ANO4: variants seen among roughly 807,000 people sequenced by gnomAD.
ANO4 encodes the protein anoctamin 4, also known as anoctamin-4.
ANO4 carries 69 observed loss-of-function variants against 141.9 expected under a neutral mutation model. The observed-to-expected ratio is 0.49, with a 90% confidence interval of 0.40 to 0.59. The LOEUF is 0.59. Among genes scored for constraint, ANO4 ranks in the 20% least tolerant of loss-of-function variants. The pLI, the probability that ANO4 is intolerant of heterozygous loss-of-function variation, is 0.00. For synonymous variants in ANO4, 350 were observed against 394.3 expected, an observed-to-expected ratio of 0.89 and a Z score of 1.33; for missense variants, 894 against 1,162.2, an observed-to-expected ratio of 0.77 and a Z score of 3.36.
At chr12:100,902,079 T>G (rs974960248) in intron 2 of ANO4, among the ~76,000 whole-genome samples, 3 of 152,176 alleles carry the variant, frequency 2.0e-5, no homozygotes, top group Non-Finnish European at 4.4e-5. Context: ...TGGTAGAATC[T>G]AAATGAAAAT....
chr12:100,772,627 G>T (rs941780767), intron 3 of ANO4, among the ~76,000 whole-genome samples: 1 of 152,170 alleles, frequency 6.6e-6, no homozygotes, highest in African/African-American at 2.4e-5. Context: ...TCCCTTTGGA[G>T]CCTGACGCAG....
chr12:100,884,828 G>T (rs958999341), intron 1 of ANO4, among the ~76,000 whole-genome samples: 2 of 152,208 alleles, frequency 1.3e-5, no homozygotes, highest in Non-Finnish European at 2.9e-5. Context: ...CCGAGTAGCT[G>T]GGATTACAGG....
At chr12:100,885,106 C>T (rs2039766023) in intron 1 of ANO4, among the ~76,000 whole-genome samples, 1 of 152,212 alleles carries the variant, frequency 6.6e-6, no homozygotes, top group Non-Finnish European at 1.5e-5. Flanking sequence ...CAAAGGTTCT[C>T]TGTTTTTGAG....
intron 22 of ANO4, among the ~76,000 whole-genome samples, chr12:101,106,502 CAA>C (rs1443979331): frequency 6.7e-6 from 1 of 150,086 alleles, no homozygotes; most frequent in Non-Finnish European, 1.5e-5. Flanking sequence ...AGTTTAGGCA[CAA>C]AAATTATTTA....
intron 5 of ANO4, among the ~76,000 whole-genome samples, chr12:100,970,378 G>A (rs4764775): frequency 0.25 from 37,345 of 151,930 alleles, 4,908 homozygotes; most frequent in Middle Eastern, 0.38. Context: ...TCCTTAGTAC[G>A]CCTTAGCCCT....
At chr12:100,867,698 T>C (rs1004630109) in intron 1 of ANO4, among the ~76,000 whole-genome samples, 1 of 152,080 alleles carries the variant, frequency 6.6e-6, no homozygotes, top group Non-Finnish European at 1.5e-5. Flanking sequence ...ACACATAAAA[T>C]TAACCAGCAC....
chr12:101,080,900 T>TATATAC lies in ANO4; in HGVS notation c.1395+1626_1395+1627insTATACA, dbSNP rs1194122665. Among the ~76,000 whole-genome samples, 356 of 131,020 alleles carry TATATAC rather than the reference T, an allele frequency of 2.7e-3. 9 individuals carry two copies. The highest frequency in any genetic ancestry group is 0.016 in the Middle Eastern group (4 of 256). The allele number at this position is 131,020 out of a possible 152,430, so 86.0% of individuals were successfully genotyped here. ...TATATATATTATATATATATATATATACATACACATATACATATATATAAA... is the reference window on the plus strand; with the variant it reads ...TATATATATTATATATATATATATATATATACACATACACATATACATATATATAAA... On this transcript the variant is annotated intron_variant, in intron 15 of 27. Coordinates refer to ENST00000392977, the MANE Select transcript of ANO4 (RefSeq NM_001286615.2).
chr12:100,826,683 G>A lies in ANO4; in HGVS notation c.-141+31656G>A, dbSNP rs1189561226. Among the ~76,000 whole-genome samples, 4 of 152,082 alleles carry A rather than the reference G, an allele frequency of 2.6e-5. No individual in the cohort carries two copies. In the South Asian group the frequency reaches 8.3e-4, roughly 32 times the overall value. ...TGTGAATTTATTAGTAACATTTCTAGTTATTGTAGTTTCTAAGTATGAGAT... is the reference window on the plus strand; with the variant it reads ...TGTGAATTTATTAGTAACATTTCTAATTATTGTAGTTTCTAAGTATGAGAT... On this transcript the variant is annotated intron_variant, in intron 1 of 27. Transcript: ENST00000392977.
intron 1 of ANO4, among the ~76,000 whole-genome samples, chr12:100,868,839 A>T (rs2038891659): frequency 6.6e-6 from 1 of 152,244 alleles, no homozygotes; most frequent in South Asian, 2.1e-4. Flanking sequence ...TTGTGAGCCA[A>T]GAGGCAAAAT....
chr12:100,970,568 C>T (rs1293380118), intron 5 of ANO4, among the ~76,000 whole-genome samples: 1 of 151,934 alleles, frequency 6.6e-6, no homozygotes, highest in African/African-American at 2.4e-5. Flanking sequence ...AGTATGTAGC[C>T]CCCTCCCATA....
intron 25 of ANO4, among the ~76,000 whole-genome samples, chr12:101,117,219 C>T (rs2050890162): frequency 6.6e-6 from 1 of 152,210 alleles, no homozygotes; most frequent in Non-Finnish European, 1.5e-5. Context: ...TTAAACAACT[C>T]AGAAGCCTGT....
chr12:100,907,612 G>T (rs1170785504), intron 2 of ANO4, among the ~76,000 whole-genome samples: 1 of 152,096 alleles, frequency 6.6e-6, no homozygotes. Context: ...TATGTTGTTT[G>T]TCAAAATCTG....
chr12:100,720,088 G>T (rs1469259858), intron 1 of ANO4, among the ~76,000 whole-genome samples: 1 of 152,032 alleles, frequency 6.6e-6, no homozygotes, highest in Non-Finnish European at 1.5e-5. Context: ...ATAACCATGC[G>T]CATGAGACTA....
At chr12:101,108,178 A>G (rs944886575) in intron 22 of ANO4, among the ~76,000 whole-genome samples, 16 of 152,162 alleles carry the variant, frequency 1.1e-4, no homozygotes, top group African/African-American at 3.4e-4. Flanking sequence ...ATGAAGTCAT[A>G]GGAGTAGATG....
At chr12:101,051,485 T>C (rs959895506) in intron 14 of ANO4, among the ~76,000 whole-genome samples, 5 of 152,206 alleles carry the variant, frequency 3.3e-5, no homozygotes, top group Admixed American at 3.3e-4. Context: ...ATGTGCTAGT[T>C]TGAGAAAAAG....
At chr12:100,942,195 G>A (rs933050077) in intron 4 of ANO4, among the ~76,000 whole-genome samples, 182 bp from the exon 5 acceptor site, 2 of 152,050 alleles carry the variant, frequency 1.3e-5, no homozygotes, top group African/African-American at 2.4e-5. Flanking sequence ...TGGCCAGGCT[G>A]GTCTCGAACT....
chr12:101,058,311 G>A (rs1479415844), intron 14 of ANO4, among the ~76,000 whole-genome samples: 1 of 151,956 alleles, frequency 6.6e-6, no homozygotes, highest in African/African-American at 2.4e-5. Context: ...CTCCAGCTTT[G>A]TTCTTTTTGC....
intron 3 of ANO4, among the ~76,000 whole-genome samples, chr12:100,768,425 TG>T (rs2033173769): frequency 1.3e-5 from 2 of 152,242 alleles, no homozygotes. Context: ...GGTATTTTTA[TG>T]TGTGAATAAT....
At chr12:100,784,452 A>G (rs1163064705) in intron 3 of ANO4, among the ~76,000 whole-genome samples, 1 of 152,004 alleles carries the variant, frequency 6.6e-6, no homozygotes, top group Non-Finnish European at 1.5e-5. Flanking sequence ...AGGCAAAGCA[A>G]CTGCAGTTCT....
Sources: gnomAD v4.1 joint callset for allele counts (sites outside exome capture counted in the v4.1 genomes callset) on GRCh38, gnomAD v4.1.1 for gene constraint, MANE v1.5 for transcripts, NCBI Gene and HGNC (gene_info 2026-07-23, HGNC 2026-07-21) for gene names.